Variants in EPRS1 observed in about 807,000 individuals in gnomAD.
The protein encoded by EPRS1 is bifunctional glutamate/proline--tRNA ligase.
EPRS1 carries 107 observed loss-of-function variants against 188.3 expected under a neutral mutation model. The ratio of observed to expected loss-of-function variants is 0.57; its 90% CI spans 0.49 to 0.67. The LOEUF (loss-of-function observed/expected upper bound fraction) is 0.67, where lower values mean the gene tolerates loss of function less well. EPRS1 is among the 30% of genes least tolerant of loss of function. EPRS1 has a pLI of 0.00. For synonymous variants in EPRS1, 596 were observed against 593.1 expected (o/e 1.00, Z -0.07); for missense variants, 1,577 against 1,802.2 (o/e 0.88, Z 2.26).
intron 18 of EPRS1, among the ~76,000 whole-genome samples, chr1:219,990,891 T>C (rs1661107929): frequency 6.6e-6 from 1 of 152,138 alleles, no homozygotes; most frequent in African/African-American, 2.4e-5. Flanking sequence ...GCATTGCTAG[T>C]AGATTTTAAG....
intron 9 of EPRS1, among the ~76,000 whole-genome samples, chr1:220,021,143 A>T (rs531277884): frequency 7.9e-5 from 12 of 151,970 alleles, no homozygotes; most frequent in East Asian, 1.9e-4. Context: ...AAGGCCTCCC[A>T]AAGTGCTGGT....
chr1:219,980,145 T>G lies in EPRS1; in HGVS notation c.3651A>C (p.Ala1217=), dbSNP rs750375315. 1.2e-6 allele frequency: 2 copies of G among 1,613,908 alleles called. No individual in the cohort carries two copies. The highest frequency in any genetic ancestry group is 1.7e-4 in the Middle Eastern group (1 of 6,060). Residue 1217 remains alanine (A), a synonymous_variant, in exon 26 of 32, where the codon GCA becomes GCC. Transcript: ENST00000366923. Reference sequence around the variant, plus strand: ...CTATTGTAGTTGTATAGTCTCCTCCTGCAAATTTTTCCTTTTCCGTCTTTC... The same window carrying G: ...CTATTGTAGTTGTATAGTCTCCTCCGGCAAATTTTTCCTTTTCCGTCTTTC... ...KGRKTEKEKF[A]GGDYTTTIEA... is the part of the protein sequence containing the mutation.
At chr1:220,033,877 T>C (rs916014340) in intron 3 of EPRS1, among the ~76,000 whole-genome samples, 1 of 87,008 alleles carries the variant, frequency 1.1e-5, no homozygotes, top group African/African-American at 4.5e-5. Context: ...CTATGCTTTC[T>C]GCTTTTTTTT....
chr1:220,038,176 G>A (rs1165840625), intron 2 of EPRS1, among the ~76,000 whole-genome samples: 3 of 148,472 alleles, frequency 2.0e-5, no homozygotes, highest in South Asian at 4.3e-4. Flanking sequence ...TCCACCTCCC[G>A]GGTTCAAGCG....
chr1:220,021,901 C>T (rs984774333), intron 9 of EPRS1, among the ~76,000 whole-genome samples: 11 of 151,484 alleles, frequency 7.3e-5, no homozygotes, highest in South Asian at 2.1e-4. Flanking sequence ...AACAAAGATT[C>T]GTTAACCTAC....
chr1:219,997,901 T>G (rs540619333), intron 17 of EPRS1, among the ~76,000 whole-genome samples: 1 of 152,212 alleles, frequency 6.6e-6, no homozygotes, highest in East Asian at 1.9e-4. Flanking sequence ...CATCAAACTC[T>G]GTGATATAAT....
At chr1:219,969,827 A>C (rs1660630599) in intron 30 of EPRS1, among the ~76,000 whole-genome samples, 1 of 151,994 alleles carries the variant, frequency 6.6e-6, no homozygotes, top group African/African-American at 2.4e-5. Flanking sequence ...ATTAAAAAAA[A>C]ATTTTTTTTT....
chr1:220,024,529 G>T (rs1661936091), intron 7 of EPRS1, 73 bp from the exon 8 acceptor site: 2 of 959,736 alleles, frequency 2.1e-6, no homozygotes, highest in East Asian at 2.4e-5. Flanking sequence ...CCTTGATACT[G>T]CATTTAAGCA....
At chr1:219,969,333 C>T in intron 30 of EPRS1, 1 of 547,880 alleles carries the variant, frequency 1.8e-6, no homozygotes, top group South Asian at 2.2e-5. Context: ...AAAACCTACG[C>T]TCACAGCACA....
At position 220,046,453 on chromosome 1, in the gene EPRS1, G is replaced by A. The variant is rs1044888281; in HGVS notation, c.-65C>T. On this transcript the variant is annotated 5_prime_UTR_variant, in exon 1 of 32. Coordinates refer to ENST00000366923, the MANE Select transcript of EPRS1 (RefSeq NM_004446.3). ...TCGTGCCAGAACTACGGAGGACCCCGCGAAAGGAAGAAGATGCAACGTGTG... is the reference window on the plus strand; with the variant it reads ...TCGTGCCAGAACTACGGAGGACCCCACGAAAGGAAGAAGATGCAACGTGTG... 5.6e-6 allele frequency: 9 copies of A among 1,601,492 alleles called. No individual in the cohort carries two copies. Among genetic ancestry groups the A allele is most frequent in the Non-Finnish European group, 7.7e-6 (9 of 1,174,992 alleles).
chr1:219,984,187 C>A lies in EPRS1; in HGVS notation c.3090+19G>T. ...ATTGACAGACTTAAAACATAAAAAT[C>A]AACTGAATGCATACTCACCTGAGAA... On this transcript the variant is annotated intron_variant, in intron 21 of 31. Transcript: ENST00000366923. 1 of 1,600,560 alleles carries A rather than the reference C, an allele frequency of 6.2e-7. No individual in the cohort carries two copies. The highest frequency in any genetic ancestry group is 1.1e-5 in the South Asian group (1 of 89,814).
rs143796513 is a variant in EPRS1 at position 219,978,611 on chromosome 1, G to T, written c.4018C>A (p.Arg1340Ser). The change falls in exon 28 of 32, where the codon CGC becomes AGC. Residue 1340 changes from arginine to serine, a missense_variant. Arg to Ser is a moderately radical substitution (Grantham distance 110). Around this residue, in one of 3 missense-constraint regions of EPRS1, gnomAD observed 296 missense variants for 327.9 expected, o/e 0.90. Coordinates refer to ENST00000366923, the MANE Select transcript of EPRS1 (RefSeq NM_004446.3). ...TTATCTCGTAAATCAGCTCTAACGC[G>T]GATGTTAACACTGAGTAATCGCCTT... is the stretch of plus-strand genomic sequence containing the variant. The part of the protein sequence containing the change: ...YRRRLLSVNI[R>S]VRADLRDNYS... 7 of 1,608,440 alleles carry T rather than the reference G, an allele frequency of 4.4e-6. No individual in the cohort carries two copies. The highest frequency in any genetic ancestry group is 5.9e-6 in the Non-Finnish European group (7 of 1,177,156).
chr1:219,980,937 TC>T, intron 24 of EPRS1, 80 bp from the exon 25 acceptor site: 1 of 899,418 alleles, frequency 1.1e-6, no homozygotes, highest in South Asian at 1.4e-5. Flanking sequence ...TCTTGCTCTG[TC>T]CCCCAGGCTG....
chr1:219,980,027 G>A, intron 26 of EPRS1, 58 bp downstream of exon 26: 1 of 1,403,798 alleles, frequency 7.1e-7, no homozygotes, highest in Non-Finnish European at 9.8e-7. Flanking sequence ...GAAATTATTG[G>A]ATCTGTCCAT....
At chr1:220,033,900 G>A (rs376476256) in intron 3 of EPRS1, among the ~76,000 whole-genome samples, 6 of 146,028 alleles carry the variant, frequency 4.1e-5, no homozygotes, top group African/African-American at 1.5e-4. Flanking sequence ...TTTTACAGGA[G>A]TGTGGCGGGG....
intron 27 of EPRS1, 135 bp from the exon 28 acceptor site, chr1:219,978,854 G>A: frequency 1.7e-6 from 1 of 589,886 alleles, no homozygotes; most frequent in African/African-American, 1.9e-5. Flanking sequence ...TATATATAAT[G>A]TCTACTAATT....
intron 12 of EPRS1, among the ~76,000 whole-genome samples, chr1:220,015,441 C>T (rs897649066): frequency 6.6e-6 from 1 of 151,392 alleles, no homozygotes; most frequent in African/African-American, 2.4e-5. Flanking sequence ...CCAGCCTGGG[C>T]GACAGAGTGA....
At position 219,997,119 on chromosome 1, in the gene EPRS1, C is replaced by T. The variant is rs909791073; in HGVS notation, c.2405G>A (p.Gly802Glu). ...CTGTCCTATTTCAGCAGGAGGGTTT[C>T]CAGGTTTATATTCCTGGCCAGTTTT... Reference protein sequence around the residue: ...KEKTGQEYKPGNPPAEIGQNI... With the variant: ...KEKTGQEYKPENPPAEIGQNI... The change falls in exon 18 of 32, where the codon GGA (glycine) becomes GAA (glutamate). Residue 802 changes from glycine to glutamate, a missense_variant. By Grantham distance (98) the Gly-to-Glu change is moderately conservative. Coordinates refer to ENST00000366923, the MANE Select transcript of EPRS1 (RefSeq NM_004446.3). The T allele has an allele frequency of 1.5e-5, 25 of 1,613,956 alleles. No individual in the cohort carries two copies. Among genetic ancestry groups the T allele is most frequent in the Admixed American group, 3.3e-5 (2 of 59,994 alleles).
chr1:220,002,337 G>A (rs1335158374), intron 16 of EPRS1, among the ~76,000 whole-genome samples: 13 of 145,264 alleles, frequency 8.9e-5, no homozygotes, highest in Non-Finnish European at 1.2e-4. Context: ...TGCCTCAATG[G>A]AAAAAAAAAA....
Sources: allele counts gnomAD v4.1 joint callset (sites outside exome capture counted in the v4.1 genomes callset), GRCh38; gene constraint gnomAD v4.1.1; regional missense constraint gnomAD v4.1.1; transcripts MANE v1.5; gene names NCBI Gene and HGNC (gene_info 2026-07-23, HGNC 2026-07-21).